Variants in PRKN observed in about 807,000 individuals in gnomAD.
The protein encoded by PRKN is parkin RBR E3 ubiquitin protein ligase, also known as E3 ubiquitin-protein ligase parkin.
Under a neutral mutation model 59.5 loss-of-function variants are expected in PRKN, and 56 were observed. The ratio of observed to expected loss-of-function variants is 0.94; its 90% CI spans 0.76 to 1.18. The LOEUF (loss-of-function observed/expected upper bound fraction) is 1.18, where lower values mean the gene tolerates loss of function less well. Among genes scored for constraint, PRKN ranks in the 50% most tolerant of loss-of-function variants. The pLI is 0.00. For missense variants in PRKN, 657 were observed against 596.4 expected, an observed-to-expected ratio of 1.10 and a Z score of -1.06; for synonymous variants, 250 against 222.1, an observed-to-expected ratio of 1.13 and a Z score of -1.12.
rs758294050 is a variant in PRKN at position 161,766,314 on chromosome 6, AT to A, written c.871+19457del. Among the ~76,000 whole-genome samples the A allele has an allele frequency of 1.0e-2, 1,394 of 139,484 alleles. 33 individuals carry two copies. Among genetic ancestry groups the A allele is most frequent in the Middle Eastern group, 0.035 (9 of 256 alleles). 91.5% of individuals were successfully genotyped at this position (139,484 alleles called of 152,430 possible). On this transcript the variant is annotated intron_variant, in intron 7 of 11. Coordinates refer to ENST00000366898, the MANE Select transcript of PRKN (RefSeq NM_004562.3). ...ACTTATGCCTGCTGTCATTGACCAC[AT>A]TTTTTTTTTTTTAGACAGAGTCTCG... is the stretch of plus-strand genomic sequence containing the variant.
intron 9 of PRKN, among the ~76,000 whole-genome samples, chr6:161,474,568 C>T (rs1186319853): frequency 6.6e-6 from 1 of 151,964 alleles, no homozygotes; most frequent in Non-Finnish European, 1.5e-5. Context: ...GCTGTAGACA[C>T]CTTGAAATAC....
In PRKN at chr6:161,548,838, T is replaced by C; in HGVS notation, c.1083+16A>G. 1 of 1,612,272 alleles carries C rather than the reference T, an allele frequency of 6.2e-7. No homozygotes were observed. The highest frequency in any genetic ancestry group is 8.5e-7 in the Non-Finnish European group (1 of 1,178,510). ...GGACAGGAACACACCGCTCCAGGGGTGTGGGCAGTACTCACCCCACAGCCC... is the reference window on the plus strand; with the variant it reads ...GGACAGGAACACACCGCTCCAGGGGCGTGGGCAGTACTCACCCCACAGCCC... On this transcript the variant is annotated intron_variant, in intron 9 of 11. Transcript: ENST00000366898. The surrounding 1 kb of genome is among the most constrained non-coding windows in gnomAD (Gnocchi z 4.2).
chr6:161,892,176 A>C (rs575330000), intron 6 of PRKN, among the ~76,000 whole-genome samples: 2 of 152,276 alleles, frequency 1.3e-5, no homozygotes, highest in Non-Finnish European at 2.9e-5. Context: ...GCTCATGCCT[A>C]TAATCCCAGT....
intron 2 of PRKN, chr6:162,266,565 G>A (rs2128101563): frequency 6.6e-6 from 1 of 152,280 alleles, no homozygotes; most frequent in South Asian, 2.1e-4. Flanking sequence ...AGTGCCCAAA[G>A]TGCCACAGAG....
chr6:162,710,917 A>G (rs1778514379), intron 1 of PRKN, among the ~76,000 whole-genome samples: 1 of 152,210 alleles, frequency 6.6e-6, no homozygotes, highest in African/African-American at 2.4e-5. Context: ...ATTCAAGGGC[A>G]CAGTGCATCC....
In PRKN at chr6:161,526,417, G is replaced by A. The variant is rs976254760; in HGVS notation, c.1083+22437C>T. ...CCTAAGCTACAACAATGGGCAAAAAGTTTCTCGAATGCACACAAACTAAAA... is the reference window on the plus strand; with the variant it reads ...CCTAAGCTACAACAATGGGCAAAAAATTTCTCGAATGCACACAAACTAAAA... On this transcript the variant is annotated intron_variant, in intron 9 of 11. Transcript: ENST00000366898. The surrounding 1 kb of genome is among the most constrained non-coding windows in gnomAD (Gnocchi z 4.1). 6.6e-6 allele frequency among the ~76,000 whole-genome samples: 1 copy of A among 152,164 alleles called. No homozygotes were observed. Among genetic ancestry groups the A allele is most frequent in the Non-Finnish European group, 1.5e-5 (1 of 68,030 alleles).
At position 161,471,933 on chromosome 6, in the gene PRKN, T is replaced by C. The variant is rs1238706093; in HGVS notation, c.1083+76921A>G. 6.6e-6 allele frequency among the ~76,000 whole-genome samples: 1 copy of C among 152,164 alleles called. No individual in the cohort carries two copies. Among genetic ancestry groups the C allele is most frequent in the Non-Finnish European group, 1.5e-5 (1 of 68,022 alleles). ...GTGGCAAGACCTCACCTGGAATCTG[T>C]TTAATTTCAATACCAACTTTGGGAG... is the stretch of plus-strand genomic sequence containing the variant. On this transcript the variant is annotated intron_variant, in intron 9 of 11. Coordinates refer to ENST00000366898, the MANE Select transcript of PRKN (RefSeq NM_004562.3). This position sits in a 1 kb window ranked among gnomAD's most constrained non-coding sequence, Gnocchi z 4.5.
rs1368312810 is a variant in PRKN, at chr6:161,447,059, GA to G, written c.1084-60183del. Among the ~76,000 whole-genome samples, 3 of 152,234 alleles carry G rather than the reference GA, an allele frequency of 2.0e-5. No individual in the cohort carries two copies. Among genetic ancestry groups the G allele is most frequent in the Non-Finnish European group, 4.4e-5 (3 of 68,010 alleles). On this transcript the variant is annotated intron_variant, in intron 9 of 11. Transcript: ENST00000366898. This position sits in a 1 kb window ranked among gnomAD's most constrained non-coding sequence, Gnocchi z 4.1. ...AGGTGACTTCTTAATGATCTTTAAG[GA>G]AAGAAGTCAATACAAGGAAAATATC...
chr6:161,922,433 T>G (rs1017419971), intron 6 of PRKN, among the ~76,000 whole-genome samples: 2 of 152,182 alleles, frequency 1.3e-5, no homozygotes, highest in Admixed American at 6.5e-5. Context: ...AATATTAGTT[T>G]ACTTTTTTCT....
chr6:162,376,881 A>G (rs1420849532), intron 2 of PRKN, among the ~76,000 whole-genome samples: 1 of 132,470 alleles, frequency 7.5e-6, no homozygotes, highest in Non-Finnish European at 1.6e-5. Flanking sequence ...AGAGGGGGAG[A>G]GGGAGAGGGA....
chr6:162,288,271 T>G (rs1026012805), intron 2 of PRKN, among the ~76,000 whole-genome samples: 5 of 152,116 alleles, frequency 3.3e-5, no homozygotes, highest in African/African-American at 1.2e-4. Flanking sequence ...CTGCTGGTAG[T>G]AGGCAGCGGT....
chr6:161,545,267 T>G lies in PRKN; in HGVS notation c.1083+3587A>C. 2.1e-6 allele frequency: 3 copies of G among 1,440,920 alleles called. No homozygotes were observed. Among genetic ancestry groups the G allele is most frequent in the Non-Finnish European group, 2.7e-6 (3 of 1,095,634 alleles). 89.3% of individuals were successfully genotyped at this position (1,440,920 alleles called of 1,614,324 possible). ...TCACAGGCATCTTACAATAAATCTG[T>G]GAACCACATCCTGATAATCACTGGA... On this transcript the variant is annotated intron_variant, in intron 9 of 11. Transcript: ENST00000366898. The surrounding 1 kb of genome is among the most constrained non-coding windows in gnomAD (Gnocchi z 4.1).
At chr6:161,441,780 C>T (rs971652312) in intron 9 of PRKN, among the ~76,000 whole-genome samples, 1 of 152,178 alleles carries the variant, frequency 6.6e-6, no homozygotes, top group African/African-American at 2.4e-5. Context: ...GCCTCAGGGT[C>T]CCAGGAAGGG....
chr6:161,545,115 T>C lies in PRKN; in HGVS notation c.1083+3739A>G. On this transcript the variant is annotated intron_variant, in intron 9 of 11. Transcript: ENST00000366898. This position sits in a 1 kb window ranked among gnomAD's most constrained non-coding sequence, Gnocchi z 4.1. The stretch of plus-strand genomic sequence containing the variant: ...TAAATCCCACAAATGACAGAGAATT[T>C]GGTTTTCAACTTTTTTATACGCGAT... 1.6e-6 allele frequency: 2 copies of C among 1,254,836 alleles called. No homozygotes were observed. Among genetic ancestry groups the C allele is most frequent in the Non-Finnish European group, 2.0e-6 (2 of 995,304 alleles). 77.7% of individuals were successfully genotyped at this position (1,254,836 alleles called of 1,614,324 possible). A position where few individuals can be genotyped will look rare whatever the true frequency, so the allele number is the denominator to read the frequency against.
At chr6:162,100,105 T>C (rs1779906077) in intron 4 of PRKN, among the ~76,000 whole-genome samples, 1 of 152,256 alleles carries the variant, frequency 6.6e-6, no homozygotes, top group Non-Finnish European at 1.5e-5. Flanking sequence ...TGACAGGGTA[T>C]TGTTCTTTTA....
At chr6:162,684,143 T>C (rs1779877833) in intron 1 of PRKN, among the ~76,000 whole-genome samples, 3 of 152,144 alleles carry the variant, frequency 2.0e-5, no homozygotes. Flanking sequence ...CCATTTTAAA[T>C]TAATAGGCTG....
At chr6:162,388,671 C>T (rs939077978) in intron 2 of PRKN, among the ~76,000 whole-genome samples, 4 of 152,112 alleles carry the variant, frequency 2.6e-5, no homozygotes, top group African/African-American at 9.7e-5. Flanking sequence ...TGGGTGGAGC[C>T]TCTCTGTGCC....
In PRKN at chr6:161,581,465, T is replaced by C. The variant is rs914295399; in HGVS notation, c.872-12049A>G. Among the ~76,000 whole-genome samples, 14 of 152,126 alleles carry C rather than the reference T, an allele frequency of 9.2e-5. No homozygotes were observed. The highest frequency in any genetic ancestry group is 3.1e-4 in the African/African-American group (13 of 41,432). On this transcript the variant is annotated intron_variant, in intron 7 of 11. Coordinates refer to ENST00000366898, the MANE Select transcript of PRKN (RefSeq NM_004562.3). This position sits in a 1 kb window ranked among gnomAD's most constrained non-coding sequence, Gnocchi z 4.5. ...AAGCAAAAGGAGTTTTTTTGAGAAG[T>C]GTTGAGAGAGAAGAGGCCTGGAATC...
intron 1 of PRKN, among the ~76,000 whole-genome samples, chr6:162,715,890 TC>T (rs1458870191): frequency 6.2e-4 from 95 of 152,202 alleles, no homozygotes; most frequent in Admixed American, 4.1e-3. Flanking sequence ...CTTGGCCTGC[TC>T]AGGAGTCCAG....
Sources: allele counts gnomAD v4.1 joint callset (sites outside exome capture counted in the v4.1 genomes callset), GRCh38; gene constraint gnomAD v4.1.1; non-coding constraint Gnocchi (gnomAD v3.1); transcripts MANE v1.5; gene names NCBI Gene and HGNC (gene_info 2026-07-23, HGNC 2026-07-21).